The following PCDHA9 variants were observed in gnomAD, a reference collection of about 807,000 sequenced individuals.
The protein encoded by PCDHA9 is protocadherin alpha-9.
PCDHA9 carries 62 observed loss-of-function variants against 62.0 expected under a neutral mutation model. The observed-to-expected ratio is 1.00, with a 90% CI of 0.81 to 1.23. The LOEUF is 1.23. Among genes scored for constraint, PCDHA9 ranks in the 50% most tolerant of loss-of-function variants. PCDHA9 has a pLI of 0.00. For missense variants in PCDHA9, 1,205 were observed against 1,249.8 expected, an observed-to-expected ratio of 0.96 and a Z score of 0.54; for synonymous variants, 557 against 567.6, an observed-to-expected ratio of 0.98 and a Z score of 0.27.
Position 140,858,252 on chromosome 5 carries a change from C to A in PCDHA9, c.2394+7363C>A, listed in dbSNP as rs1554151333. On this transcript the variant is annotated intron_variant, in intron 1 of 3. Coordinates refer to ENST00000532602, the MANE Select transcript of PCDHA9 (RefSeq NM_031857.2). The stretch of plus-strand genomic sequence containing the variant: ...GAGGGCGCATGTGGGCCGGTGAAGC[C>A]CACGCTGGTGTGCTCTAGCGCGGTG... 3 of 1,596,744 alleles carry A rather than the reference C, an allele frequency of 1.9e-6. 1 individual carries two copies. The Admixed American group carries it at 5.1e-5, about 27-fold the overall frequency.
intron 1 of PCDHA9, chr5:140,928,289 G>C (rs1554205708): frequency 6.2e-7 from 1 of 1,614,170 alleles, no homozygotes; most frequent in Non-Finnish European, 8.5e-7. Flanking sequence ...TCTCTAGGCC[G>C]AGTGTTTGCC....
chr5:140,993,906 C>T (rs1245923228), intron 3 of PCDHA9, among the ~76,000 whole-genome samples: 1 of 152,088 alleles, frequency 6.6e-6, no homozygotes, highest in Non-Finnish European at 1.5e-5. Flanking sequence ...AACAAAAATG[C>T]CTAGTGATGC....
In PCDHA9 at chr5:140,850,482, G is replaced by A. The variant is rs2150486061; in HGVS notation, c.1987G>A (p.Ala663Thr). The A allele has an allele frequency of 1.9e-6, 3 of 1,598,110 alleles. No individual in the cohort carries two copies. Among genetic ancestry groups the A allele is most frequent in the Non-Finnish European group, 2.6e-6 (3 of 1,167,736 alleles). Residue 663 changes from alanine (A) to threonine (T), a missense_variant, in exon 1 of 4, where the codon GCC (alanine) becomes ACC (threonine). Around this residue, in one of 3 missense-constraint regions of PCDHA9, gnomAD observed 887 missense variants for 809.5 expected, o/e 1.10. Coordinates refer to ENST00000532602, the MANE Select transcript of PCDHA9 (RefSeq NM_031857.2). ...DHGEPALTATATVLVSLVESG... is the reference protein window; with the variant it reads ...DHGEPALTATTTVLVSLVESG... ...CGGGGAGCCAGCGCTGACGGCCACG[G>A]CCACTGTGCTGGTGTCGCTGGTGGA...
intron 1 of PCDHA9, chr5:140,861,554 C>A (rs1023234694): frequency 1.8e-5 from 7 of 398,878 alleles, no homozygotes; most frequent in Non-Finnish European, 2.6e-5. Flanking sequence ...TGGAAGTGAT[C>A]GTGGACAAGC....
chr5:140,900,634 A>G (rs918199903), intron 1 of PCDHA9, among the ~76,000 whole-genome samples: 7 of 152,152 alleles, frequency 4.6e-5, no homozygotes, highest in Non-Finnish European at 1.0e-4. Flanking sequence ...AATCTTGGCT[A>G]TTGTGAACAC....
At position 140,850,588 on chromosome 5, in the gene PCDHA9, T is replaced by A; in HGVS notation, c.2093T>A (p.Val698Glu). ...GAGGTGACGCTGGTGGATGTCAACG[T>A]GTACCTGATCATCGCCATCTGCGCG... ...GPEVTLVDVN[V>E]YLIIAICAVS... The change falls in exon 1 of 4, where the codon GTG becomes GAG. Residue 698 changes from valine to glutamate, a missense_variant. Around this residue, in one of 3 missense-constraint regions of PCDHA9, gnomAD observed 887 missense variants for 809.5 expected, o/e 1.10. Coordinates refer to ENST00000532602, the MANE Select transcript of PCDHA9 (RefSeq NM_031857.2). 1 of 1,598,352 alleles carries A rather than the reference T, an allele frequency of 6.3e-7. No homozygotes were observed. The highest frequency in any genetic ancestry group is 1.1e-5 in the South Asian group (1 of 90,546).
rs377441374 is a variant in PCDHA9, at chr5:140,884,065, C to T, written c.2394+33176C>T. The T allele has an allele frequency of 3.7e-6, 6 of 1,613,346 alleles. No individual in the cohort carries two copies. The African/African-American group carries it at 5.3e-5, about 14-fold the overall frequency. ...TGGCGAAGGTGCGCGCGGTGGACGC[C>T]GATTCGGGCTACAATGCGTGGCTTT... is the stretch of plus-strand genomic sequence containing the variant. On this transcript the variant is annotated intron_variant, in intron 1 of 3. Transcript: ENST00000532602.
At chr5:140,870,473 C>G (rs1232580918) in intron 1 of PCDHA9, 1 of 1,614,124 alleles carries the variant, frequency 6.2e-7, no homozygotes, top group Non-Finnish European at 8.5e-7. Context: ...TTCGCACAGC[C>G]CGAGTACACC....
Position 140,848,919 on chromosome 5 carries a change from A to C in PCDHA9, c.424A>C (p.Ile142Leu). The C allele has an allele frequency of 6.2e-7, 1 of 1,608,020 alleles. No homozygotes were observed. Among genetic ancestry groups the C allele is most frequent in the Non-Finnish European group, 8.5e-7 (1 of 1,177,022 alleles). Residue 142 changes from isoleucine to leucine, a missense_variant, in exon 1 of 4, where the codon ATC (isoleucine) becomes CTC (leucine). Physicochemically the swap from Ile to Leu is conservative, Grantham distance 5. Transcript: ENST00000532602. ...VFPATQKNLF[I>L]AESRPLDSRF... Reference sequence around the variant, plus strand: ...CCCAGCGACACAAAAGAATCTGTTCATCGCGGAATCCAGGCCGCTTGACTC... The same window carrying C: ...CCCAGCGACACAAAAGAATCTGTTCCTCGCGGAATCCAGGCCGCTTGACTC...
Position 140,853,581 on chromosome 5 carries a change from C to T in PCDHA9, c.2394+2692C>T, listed in dbSNP as rs765816845. ...GAAAAACTAAGTTGTCACCCAATAT[C>T]TTAGACACTTTGAGAGCAAAGGGGG... On this transcript the variant is annotated intron_variant, in intron 1 of 3. Transcript: ENST00000532602. 6.1e-4 allele frequency: 602 copies of T among 984,310 alleles called. 55 individuals are homozygous for T. Among genetic ancestry groups the T allele is most frequent in the Non-Finnish European group, 6.9e-4 (563 of 816,746 alleles). 61.0% of individuals were successfully genotyped at this position (984,310 alleles called of 1,614,324 possible).
intron 3 of PCDHA9, among the ~76,000 whole-genome samples, chr5:141,000,552 C>T (rs2097946627): frequency 1.3e-5 from 2 of 149,102 alleles, no homozygotes; most frequent in Admixed American, 1.3e-4. Context: ...CTCAAACTCC[C>T]GAGTAGCTGG....
intron 1 of PCDHA9, among the ~76,000 whole-genome samples, chr5:140,886,964 A>T (rs2061244320): frequency 6.6e-6 from 1 of 152,114 alleles, no homozygotes; most frequent in Admixed American, 6.5e-5. Context: ...TTAGCAACGA[A>T]ATTTATTATT....
At chr5:140,862,744 C>T in intron 1 of PCDHA9, 1 of 577,744 alleles carries the variant, frequency 1.7e-6, no homozygotes, top group South Asian at 1.4e-5. Flanking sequence ...TGTGTGGGTG[C>T]ACGCGGAGAG....
intron 1 of PCDHA9, chr5:140,968,614 A>T: frequency 6.2e-7 from 1 of 1,614,142 alleles, no homozygotes; most frequent in Non-Finnish European, 8.5e-7. Context: ...ACTCTGGGCA[A>T]AATGCTTGGC....
At chr5:140,855,278 G>A (rs251360) in intron 1 of PCDHA9, among the ~76,000 whole-genome samples, 95,551 of 148,822 alleles carry the variant, frequency 0.64, 33,178 homozygotes, top group African/African-American at 0.69. Context: ...CTCAACCACC[G>A]TATTACTATT....
chr5:140,930,203 T>C (rs1486886896), intron 1 of PCDHA9: 6 of 152,202 alleles, frequency 3.9e-5, no homozygotes, highest in African/African-American at 1.4e-4. Flanking sequence ...ATGTCAGAAA[T>C]ATTTATGTGT....
intron 3 of PCDHA9, among the ~76,000 whole-genome samples, chr5:141,002,322 G>A (rs1477526091): frequency 6.6e-6 from 1 of 152,190 alleles, no homozygotes; most frequent in South Asian, 2.1e-4. Context: ...CCTGGAGGCC[G>A]GGCTGCATCC....
At chr5:140,947,371 A>G (rs1468768080) in intron 1 of PCDHA9, among the ~76,000 whole-genome samples, 1 of 151,626 alleles carries the variant, frequency 6.6e-6, no homozygotes, top group Non-Finnish European at 1.5e-5. Context: ...CCTTTGATCT[A>G]TATGTTTATC....
rs531996502 is a variant in PCDHA9, at chr5:140,944,251, G to A, written c.2395-34698G>A. Among the ~76,000 whole-genome samples the A allele has an allele frequency of 2.2e-4, 33 of 152,302 alleles. No individual in the cohort carries two copies. In the South Asian group the frequency reaches 6.8e-3, roughly 32 times the overall value. On this transcript the variant is annotated intron_variant, in intron 1 of 3. Transcript: ENST00000532602. ...CGCTCAGGCTGGAGTGCAGTGATGT[G>A]ATCACTGCTCACTGCAGCCTTGACA...
Sources: gnomAD v4.1 joint callset for allele counts (sites outside exome capture counted in the v4.1 genomes callset) on GRCh38, gnomAD v4.1.1 for gene constraint, gnomAD v4.1.1 regional missense constraint, MANE v1.5 for transcripts, NCBI Gene and HGNC (gene_info 2026-07-23, HGNC 2026-07-21) for gene names.